The following STAG1 variants were observed in gnomAD, a reference collection of about 807,000 sequenced individuals.
STAG1 encodes the protein STAG1 cohesin complex component.
A neutral mutation model predicts 170.9 loss-of-function variants in STAG1; 26 were observed. The observed-to-expected ratio is 0.15, with a 90% CI of 0.11 to 0.21. The LOEUF (loss-of-function observed/expected upper bound fraction) is 0.21, where lower values mean the gene tolerates loss of function less well. Ranked by LOEUF, STAG1 falls within the 10% of genes least tolerant of loss-of-function variation. STAG1 has a pLI of 1.00. For missense variants in STAG1, 964 were observed against 1,509.5 expected, an observed-to-expected ratio of 0.64 and a Z score of 5.99; for synonymous variants, 514 against 497.7, an observed-to-expected ratio of 1.03 and a Z score of -0.44.
intron 16 of STAG1, among the ~76,000 whole-genome samples, chr3:136,431,537 T>A (rs58493992): frequency 6.6e-6 from 1 of 152,148 alleles, no homozygotes; most frequent in African/African-American, 2.4e-5. Context: ...CCCAAAGTGC[T>A]GGGATTACAG....
chr3:136,470,402 C>T (rs1464596859), intron 12 of STAG1, among the ~76,000 whole-genome samples: 2 of 152,268 alleles, frequency 1.3e-5, no homozygotes, highest in Non-Finnish European at 2.9e-5. Context: ...TCATCACTGG[C>T]CATCAGAGAA....
chr3:136,434,744 C>T (rs2088405674), intron 15 of STAG1, among the ~76,000 whole-genome samples: 1 of 152,142 alleles, frequency 6.6e-6, no homozygotes, highest in Non-Finnish European at 1.5e-5. Context: ...CTGCAGATTA[C>T]ACTAATATGT....
intron 15 of STAG1, among the ~76,000 whole-genome samples, chr3:136,439,960 A>T (rs1228698629): frequency 6.6e-6 from 1 of 152,174 alleles, no homozygotes; most frequent in Non-Finnish European, 1.5e-5. Context: ...TGTAAACAGA[A>T]TTTAAACCAC....
intron 4 of STAG1, among the ~76,000 whole-genome samples, chr3:136,602,722 A>T (rs556779186): frequency 1.3e-5 from 2 of 152,048 alleles, no homozygotes; most frequent in South Asian, 4.2e-4. Context: ...GTGCTGGCAC[A>T]CACCTGTAAT....
chr3:136,455,730 G>C (rs1384738426), intron 13 of STAG1, among the ~76,000 whole-genome samples: 2 of 152,198 alleles, frequency 1.3e-5, no homozygotes, highest in African/African-American at 4.8e-5. Context: ...CAAATCCCTA[G>C]ATGTATTTTC....
chr3:136,685,985 T>G, intron 1 of STAG1, among the ~76,000 whole-genome samples: 1 of 152,164 alleles, frequency 6.6e-6, no homozygotes, highest in Non-Finnish European at 1.5e-5. Flanking sequence ...AGAAAGCTCA[T>G]TGGTGCTAGT....
chr3:136,748,314 T>C (rs912658232), intron 1 of STAG1, among the ~76,000 whole-genome samples: 2 of 151,944 alleles, frequency 1.3e-5, no homozygotes, highest in Admixed American at 6.6e-5. Context: ...GGCACGCGAA[T>C]CGCCTGAACC....
chr3:136,693,418 T>A (rs1411731061), intron 1 of STAG1, among the ~76,000 whole-genome samples: 1 of 152,218 alleles, frequency 6.6e-6, no homozygotes, highest in Non-Finnish European at 1.5e-5. Flanking sequence ...AACCCCAATG[T>A]GTCCTCAGAA....
At chr3:136,466,173 CAGA>C (rs879415770) in intron 12 of STAG1, among the ~76,000 whole-genome samples, 8 of 152,248 alleles carry the variant, frequency 5.3e-5, no homozygotes, top group Non-Finnish European at 8.8e-5. Context: ...CACGAGCTGA[CAGA>C]AGAAGGCTAC....
intron 1 of STAG1, chr3:136,736,817 TTTCC>T (rs1243525588): frequency 3.6e-5 from 57 of 1,583,912 alleles, no homozygotes; most frequent in Non-Finnish European, 4.8e-5. Context: ...AATTGTAGGT[TTTCC>T]TTCCTTCTTT....
chr3:136,537,109 T>G (rs1935671071), intron 6 of STAG1, among the ~76,000 whole-genome samples: 1 of 152,224 alleles, frequency 6.6e-6, no homozygotes. Context: ...TTTTGGCACT[T>G]GTCATTTCTA....
chr3:136,689,141 A>G (rs1942633608), intron 1 of STAG1, among the ~76,000 whole-genome samples: 1 of 152,226 alleles, frequency 6.6e-6, no homozygotes, highest in African/African-American at 2.4e-5. Context: ...TCTCAAGAAT[A>G]ATTTTGGCCA....
Position 136,568,738 on chromosome 3 carries a change from T to C in STAG1, c.394+27A>G, listed in dbSNP as rs751193059. The C allele has an allele frequency of 3.2e-6, 5 of 1,541,806 alleles. No individual in the cohort carries two copies. In the East Asian group the frequency reaches 6.8e-5, roughly 21 times the overall value. ...CACTGCTGGACTGACAGGCTCAATG[T>C]ACATCATTTATTTCAACATTCTGTA... On this transcript the variant is annotated intron_variant, in intron 5 of 33. Coordinates refer to ENST00000383202, the MANE Select transcript of STAG1 (RefSeq NM_005862.3).
intron 1 of STAG1, among the ~76,000 whole-genome samples, chr3:136,648,500 T>C (rs947303466): frequency 3.3e-5 from 5 of 152,214 alleles, no homozygotes; most frequent in African/African-American, 9.6e-5. Flanking sequence ...CACCATGACC[T>C]TGGTCAGGAC....
intron 7 of STAG1, among the ~76,000 whole-genome samples, chr3:136,514,618 T>C (rs920868821): frequency 6.6e-6 from 1 of 152,304 alleles, no homozygotes; most frequent in Non-Finnish European, 1.5e-5. Context: ...CATACGTATA[T>C]TTACTGCGAC....
At chr3:136,479,144 G>C (rs1270986937) in intron 9 of STAG1, among the ~76,000 whole-genome samples, 4 of 136,728 alleles carry the variant, frequency 2.9e-5, no homozygotes, top group African/African-American at 8.1e-5. Context: ...AGTTACATAT[G>C]TATACATGTG....
intron 4 of STAG1, among the ~76,000 whole-genome samples, chr3:136,576,565 A>G (rs1418530264): frequency 6.6e-6 from 1 of 152,216 alleles, no homozygotes; most frequent in African/African-American, 2.4e-5. Flanking sequence ...GTCTTGTTCC[A>G]TAAGGAATAT....
chr3:136,391,639 T>C (rs1029809660), intron 22 of STAG1, among the ~76,000 whole-genome samples: 4 of 152,172 alleles, frequency 2.6e-5, no homozygotes, highest in African/African-American at 9.7e-5. Flanking sequence ...CCTCCCAAAG[T>C]GCTGGGATTA....
intron 16 of STAG1, among the ~76,000 whole-genome samples, chr3:136,427,497 G>A (rs184623634): frequency 7.9e-5 from 12 of 152,146 alleles, no homozygotes; most frequent in Admixed American, 7.9e-4. Flanking sequence ...ATAACATTAT[G>A]GGACCCATAT....
Sources: allele counts gnomAD v4.1 joint callset (sites outside exome capture counted in the v4.1 genomes callset), GRCh38; gene constraint gnomAD v4.1.1; transcripts MANE v1.5; gene names NCBI Gene and HGNC (gene_info 2026-07-23, HGNC 2026-07-21).